The following ARHGAP44 variants were observed in gnomAD, a reference collection of about 807,000 sequenced individuals.
ARHGAP44 encodes Rho GTPase activating protein 44, also known as rho GTPase-activating protein 44.
Under a neutral mutation model 106.8 loss-of-function variants are expected in ARHGAP44, and 43 were observed. The observed-to-expected ratio is 0.40, with a 90% CI of 0.32 to 0.52. ARHGAP44 has a LOEUF of 0.52. ARHGAP44 is among the 20% of genes least tolerant of loss of function. The pLI, the probability that ARHGAP44 is intolerant of heterozygous loss-of-function variation, is 0.48. For missense variants in ARHGAP44, 866 were observed against 1,050.5 expected (o/e 0.82, Z 2.43); for synonymous variants, 439 against 410.3 (o/e 1.07, Z -0.85).
chr17:12,897,728 T>TTC (rs2037254991), intron 3 of ARHGAP44, among the ~76,000 whole-genome samples: 1 of 150,966 alleles, frequency 6.6e-6, no homozygotes, highest in South Asian at 2.1e-4. Context: ...TTTTTTTTTT[T>TTC]TTGCTCTAAG....
At chr17:12,959,019 C>A in intron 16 of ARHGAP44, 122 bp downstream of exon 16, 2 of 1,200,372 alleles carry the variant, frequency 1.7e-6, no homozygotes, top group Non-Finnish European at 2.4e-6. Flanking sequence ...GTTTAGGTGA[C>A]TCGTAGCAAT....
At position 12,855,562 on chromosome 17, in the gene ARHGAP44, T is replaced by C. The variant is rs377050592; in HGVS notation, c.54-39378T>C. On this transcript the variant is annotated intron_variant, in intron 1 of 20. Coordinates refer to ENST00000379672, the MANE Select transcript of ARHGAP44 (RefSeq NM_014859.6). ...CAACTAATTTAATTCATTTCCTATTTATTTTTCTGGGTGGGTGGTCAGAGT... is the reference window on the plus strand; with the variant it reads ...CAACTAATTTAATTCATTTCCTATTCATTTTTCTGGGTGGGTGGTCAGAGT... Among the ~76,000 whole-genome samples the C allele has an allele frequency of 9.9e-5, 15 of 152,266 alleles. No homozygotes were observed. In the South Asian group the frequency reaches 1.4e-3, roughly 15 times the overall value.
At chr17:12,884,477 T>C (rs976139004) in intron 1 of ARHGAP44, among the ~76,000 whole-genome samples, 19 of 152,226 alleles carry the variant, frequency 1.2e-4, no homozygotes, top group Non-Finnish European at 2.4e-4. Flanking sequence ...CCACTTCACC[T>C]TCTTGATTCA....
chr17:12,941,610 C>G (rs943346066), intron 8 of ARHGAP44, among the ~76,000 whole-genome samples: 5 of 152,164 alleles, frequency 3.3e-5, no homozygotes, highest in Admixed American at 6.5e-5. Context: ...AAGGCAATTC[C>G]TTCCCCCTGC....
chr17:12,909,631 G>A (rs1408363529), intron 4 of ARHGAP44, among the ~76,000 whole-genome samples: 6 of 152,034 alleles, frequency 3.9e-5, no homozygotes, highest in Non-Finnish European at 7.4e-5. Context: ...ATGTAGAGCC[G>A]CCACCCAGAA....
intron 18 of ARHGAP44, among the ~76,000 whole-genome samples, chr17:12,975,891 A>G (rs2039669768): frequency 6.6e-6 from 1 of 151,960 alleles, no homozygotes; most frequent in African/African-American, 2.4e-5. Flanking sequence ...AAATAATGAC[A>G]GCACTTGGTT....
At chr17:12,888,125 A>G (rs2150908741) in intron 1 of ARHGAP44, among the ~76,000 whole-genome samples, 1 of 151,890 alleles carries the variant, frequency 6.6e-6, no homozygotes, top group South Asian at 2.1e-4. Context: ...TTCTTCCCTT[A>G]TGCTATAATT....
intron 5 of ARHGAP44, 28 bp from the exon 6 acceptor site, chr17:12,919,727 T>C (rs1279470368): frequency 6.3e-7 from 1 of 1,588,072 alleles, no homozygotes; most frequent in Non-Finnish European, 8.6e-7. Context: ...TTCAGTTTAA[T>C]TGTATCTTTT....
chr17:12,798,637 A>G (rs1016751194), intron 1 of ARHGAP44, among the ~76,000 whole-genome samples: 2 of 152,150 alleles, frequency 1.3e-5, no homozygotes, highest in Non-Finnish European at 2.9e-5. Context: ...ATATTTTTCA[A>G]TACTGCTTGA....
chr17:12,858,326 C>G (rs1202030025), intron 1 of ARHGAP44, among the ~76,000 whole-genome samples: 2 of 152,228 alleles, frequency 1.3e-5, no homozygotes, highest in Non-Finnish European at 2.9e-5. Flanking sequence ...CACCCCTACT[C>G]ACTGTCACCT....
At chr17:12,915,792 C>T (rs928919996) in intron 4 of ARHGAP44, 108 bp from the exon 5 acceptor site, 24 of 918,902 alleles carry the variant, frequency 2.6e-5, no homozygotes, top group Non-Finnish European at 6.7e-6. Context: ...AGCTTATTAA[C>T]ACTGACTTGT....
chr17:12,989,950 G>A, intron 20 of ARHGAP44, 82 bp from the exon 21 acceptor site: 2 of 1,558,272 alleles, frequency 1.3e-6, no homozygotes, highest in Middle Eastern at 1.7e-4. Context: ...TGCCTCCTAA[G>A]GCTGACATTA....
chr17:12,852,548 GTT>G (rs111855586), intron 1 of ARHGAP44, among the ~76,000 whole-genome samples: 2 of 139,060 alleles, frequency 1.4e-5, no homozygotes. Flanking sequence ...TGTTTGCTGT[GTT>G]TTTTTTTTTT....
intron 1 of ARHGAP44, among the ~76,000 whole-genome samples, chr17:12,854,405 C>A (rs1019099949): frequency 3.3e-5 from 5 of 152,066 alleles, no homozygotes; most frequent in Non-Finnish European, 7.3e-5. Context: ...CCCCCTTTGA[C>A]AATATTATGA....
chr17:12,886,249 C>G (rs982490610), intron 1 of ARHGAP44, among the ~76,000 whole-genome samples: 41 of 152,122 alleles, frequency 2.7e-4, no homozygotes, highest in African/African-American at 9.2e-4. Flanking sequence ...TAATTTTATA[C>G]TAAATCTTAA....
chr17:12,802,753 C>CTTTTTTTTTTTTTTTTT (rs869172678), intron 1 of ARHGAP44, among the ~76,000 whole-genome samples: 2 of 108,710 alleles, frequency 1.8e-5, no homozygotes, highest in Non-Finnish European at 1.9e-5. Flanking sequence ...TTTTTTATTT[C>CTTTTTTTTTTTTTTTTT]TTTTTTTTTT....
At chr17:12,938,597 A>AAAC (rs1200429569) in intron 7 of ARHGAP44, among the ~76,000 whole-genome samples, 3 of 151,556 alleles carry the variant, frequency 2.0e-5, no homozygotes, top group Non-Finnish European at 2.9e-5. Flanking sequence ...AAAAAAAAAA[A>AAAC]AAAAAACAGC....
At chr17:12,955,809 G>A (rs1261693202) in intron 13 of ARHGAP44, 58 bp from the exon 14 acceptor site, 8 of 1,012,658 alleles carry the variant, frequency 7.9e-6, no homozygotes, top group Admixed American at 2.3e-5. Context: ...TCCAGTCCCC[G>A]GGGGACATGG....
chr17:12,914,656 T>A (rs1466803210), intron 4 of ARHGAP44, among the ~76,000 whole-genome samples: 1 of 151,312 alleles, frequency 6.6e-6, no homozygotes, highest in African/African-American at 2.4e-5. Flanking sequence ...ATTAGCCGGG[T>A]GTGGTGGCAG....
Sources: gnomAD v4.1 joint callset for allele counts (sites outside exome capture counted in the v4.1 genomes callset) on GRCh38, gnomAD v4.1.1 for gene constraint, MANE v1.5 for transcripts, NCBI Gene and HGNC (gene_info 2026-07-23, HGNC 2026-07-21) for gene names.